BMPR1B: variants seen among roughly 807,000 people sequenced by gnomAD.
BMPR1B encodes the protein bone morphogenetic protein receptor type 1B, also known as bone morphogenetic protein receptor type-1B.
BMPR1B carries 12 observed loss-of-function variants against 59.1 expected under a neutral mutation model. The ratio of observed to expected loss-of-function variants is 0.20; its 90% CI spans 0.13 to 0.33. The LOEUF (loss-of-function observed/expected upper bound fraction) is 0.33, where lower values mean the gene tolerates loss of function less well. Ranked by LOEUF, BMPR1B falls within the 10% of genes least tolerant of loss-of-function variation. The pLI, the probability that BMPR1B is intolerant of heterozygous loss-of-function variation, is 1.00. For missense variants in BMPR1B, 550 were observed against 610.9 expected (o/e 0.90, Z 1.05); for synonymous variants, 237 against 207.3 (o/e 1.14, Z -1.23).
At chr4:94,806,226 T>C (rs1380032135) in intron 1 of BMPR1B, among the ~76,000 whole-genome samples, 1 of 152,072 alleles carries the variant, frequency 6.6e-6, no homozygotes, top group Non-Finnish European at 1.5e-5. Context: ...TCAGGCTGAG[T>C]CTACAGTATT....
chr4:94,775,845 A>C (rs1380707260), intron 1 of BMPR1B, among the ~76,000 whole-genome samples: 1 of 152,222 alleles, frequency 6.6e-6, no homozygotes, highest in Admixed American at 6.5e-5. Context: ...TAATCCCAGC[A>C]CGCTGGGAGG....
chr4:94,832,427 G>A (rs537116125), intron 1 of BMPR1B, among the ~76,000 whole-genome samples: 211 of 152,290 alleles, frequency 1.4e-3, no homozygotes, highest in African/African-American at 4.9e-3. Flanking sequence ...ATAGAGGAAA[G>A]TTTATTTGTA....
intron 2 of BMPR1B, among the ~76,000 whole-genome samples, chr4:94,923,035 T>G (rs1418603113): frequency 2.0e-5 from 3 of 152,160 alleles, no homozygotes; most frequent in African/African-American, 4.8e-5. Flanking sequence ...ACATCAAAAG[T>G]GCTATTTCAT....
intron 7 of BMPR1B, among the ~76,000 whole-genome samples, chr4:95,124,620 C>T (rs1393001949): frequency 1.3e-5 from 2 of 151,802 alleles, no homozygotes. Context: ...AAATTTACAT[C>T]TTTAATTAAT....
Position 95,096,745 on chromosome 4 carries a change from CTATAT to C in BMPR1B, c.-17-7662_-17-7658del, listed in dbSNP as rs1560649895. Among the ~76,000 whole-genome samples, 9 of 16,856 alleles carry C rather than the reference CTATAT, an allele frequency of 5.3e-4. No homozygotes were observed. In the South Asian group the frequency reaches 0.011, roughly 21 times the overall value. 11.1% of individuals were successfully genotyped at this position (16,856 alleles called of 152,430 possible). ...TATAACTATATATAGTTATATATAA[CTATAT>C]ATAGTTATATATAACTATGTATAGT... On this transcript the variant is annotated intron_variant, in intron 3 of 12. Transcript: ENST00000515059.
At chr4:94,842,644 A>C (rs1725136357) in intron 1 of BMPR1B, among the ~76,000 whole-genome samples, 1 of 152,040 alleles carries the variant, frequency 6.6e-6, no homozygotes, top group Non-Finnish European at 1.5e-5. Context: ...CAACCTCCAG[A>C]GGATACTTAT....
At chr4:94,942,246 C>T (rs907369168) in intron 2 of BMPR1B, among the ~76,000 whole-genome samples, 1 of 152,158 alleles carries the variant, frequency 6.6e-6, no homozygotes, top group Non-Finnish European at 1.5e-5. Flanking sequence ...AGACAGAATT[C>T]TCTCAAATTT....
At chr4:94,840,185 G>C (rs1300563034) in intron 1 of BMPR1B, among the ~76,000 whole-genome samples, 1 of 147,674 alleles carries the variant, frequency 6.8e-6, no homozygotes, top group Non-Finnish European at 1.5e-5. Flanking sequence ...CTCTCTGGCT[G>C]CCCTTAACAT....
chr4:94,788,500 C>T (rs1183207714), intron 1 of BMPR1B, among the ~76,000 whole-genome samples: 1 of 152,016 alleles, frequency 6.6e-6, no homozygotes, highest in Non-Finnish European at 1.5e-5. Context: ...GTCTGGGTCA[C>T]CCCATAAGGC....
At chr4:95,042,971 C>G (rs971789242) in intron 3 of BMPR1B, among the ~76,000 whole-genome samples, 2 of 150,282 alleles carry the variant, frequency 1.3e-5, no homozygotes, top group Non-Finnish European at 3.0e-5. Context: ...GTCAGGAGAT[C>G]GAGACCATCC....
chr4:94,887,403 C>CAAAAAAAAAAAAAAA (rs57818132), intron 2 of BMPR1B, among the ~76,000 whole-genome samples: 39 of 54,806 alleles, frequency 7.1e-4, no homozygotes, highest in Non-Finnish European at 8.6e-4. Flanking sequence ...CACCCCCCAC[C>CAAAAAAAAAAAAAAA]AAAAAAAAAA....
At chr4:94,907,815 A>G (rs528194820) in intron 2 of BMPR1B, among the ~76,000 whole-genome samples, 12 of 152,016 alleles carry the variant, frequency 7.9e-5, no homozygotes, top group Admixed American at 6.6e-4. Flanking sequence ...TCAGTGCCTA[A>G]TTTAATACTC....
chr4:95,073,364 C>T (rs57362753), intron 3 of BMPR1B, among the ~76,000 whole-genome samples: 6,567 of 152,138 alleles, frequency 0.043, 469 homozygotes, highest in African/African-American at 0.15. Context: ...GACTGCTATG[C>T]AACATTTTGG....
chr4:94,912,830 C>A (rs1728337400), intron 2 of BMPR1B, among the ~76,000 whole-genome samples: 1 of 152,116 alleles, frequency 6.6e-6, no homozygotes, highest in African/African-American at 2.4e-5. Flanking sequence ...CTAGCCGTAT[C>A]TCTTCCTGTG....
At chr4:94,945,213 A>G (rs1255154079) in intron 2 of BMPR1B, among the ~76,000 whole-genome samples, 1 of 152,228 alleles carries the variant, frequency 6.6e-6, no homozygotes, top group Non-Finnish European at 1.5e-5. Flanking sequence ...TGGCATATCC[A>G]AAGTTGAATT....
chr4:94,940,450 GAC>G (rs1729467570), intron 2 of BMPR1B, among the ~76,000 whole-genome samples: 1 of 152,170 alleles, frequency 6.6e-6, no homozygotes, highest in Non-Finnish European at 1.5e-5. Flanking sequence ...TTCTCAGTAT[GAC>G]ACAGTCCTTG....
chr4:94,857,272 A>T (rs1157214123), intron 1 of BMPR1B, among the ~76,000 whole-genome samples: 1 of 152,220 alleles, frequency 6.6e-6, no homozygotes, highest in Non-Finnish European at 1.5e-5. Context: ...AAATTAACAA[A>T]TATTTAAGCA....
chr4:94,918,061 C>T (rs944699604), intron 2 of BMPR1B, among the ~76,000 whole-genome samples: 1 of 152,054 alleles, frequency 6.6e-6, no homozygotes, highest in Admixed American at 6.6e-5. Context: ...TGAGGCCTCC[C>T]TAGAAGCCTT....
chr4:94,925,784 T>G (rs959485453), intron 2 of BMPR1B, among the ~76,000 whole-genome samples: 2 of 152,150 alleles, frequency 1.3e-5, no homozygotes, highest in Non-Finnish European at 2.9e-5. Context: ...AAGTAAATTT[T>G]TAAAGCTGAA....
Sources: gnomAD v4.1 joint callset for allele counts (sites outside exome capture counted in the v4.1 genomes callset) on GRCh38, gnomAD v4.1.1 for gene constraint, MANE v1.5 for transcripts, NCBI Gene and HGNC (gene_info 2026-07-23, HGNC 2026-07-21) for gene names.